The following IL33 variants were observed in gnomAD, a reference collection of about 807,000 sequenced individuals.
The protein encoded by IL33 is interleukin-33.
In IL33, 37 loss-of-function variants were observed where a neutral mutation model predicts 27.3. That is an observed-to-expected ratio of 1.36 (90% CI 1.04 to 1.78). The LOEUF is 1.78. Among genes scored for constraint, IL33 ranks in the 40% most tolerant of loss-of-function variants. The probability of loss-of-function intolerance (pLI) is 0.00; values close to 1 mark genes in which losing one functional copy is unlikely to be tolerated. For synonymous variants in IL33, 132 were observed against 102.9 expected, an observed-to-expected ratio of 1.28 and a Z score of -1.71; for missense variants, 406 against 311.4, an observed-to-expected ratio of 1.30 and a Z score of -2.29.
intron 1 of IL33, among the ~76,000 whole-genome samples, chr9:6,235,438 A>G (rs943469439): frequency 2.6e-5 from 4 of 152,222 alleles, no homozygotes; most frequent in African/African-American, 9.6e-5. Flanking sequence ...ATCATAAGTA[A>G]ATTTATTTAT....
chr9:6,252,597 T>G (rs369229916), intron 4 of IL33, among the ~76,000 whole-genome samples: 1 of 152,276 alleles, frequency 6.6e-6, no homozygotes, highest in African/African-American at 2.4e-5. Context: ...TCTGTTGCTT[T>G]CCATTTTCTT....
At chr9:6,227,325 A>T (rs1818683723) in intron 1 of IL33, among the ~76,000 whole-genome samples, 1 of 152,218 alleles carries the variant, frequency 6.6e-6, no homozygotes. Context: ...TATAGTAGAC[A>T]ACTTTAGAAA....
intron 2 of IL33, among the ~76,000 whole-genome samples, chr9:6,244,431 T>G (rs776967566): frequency 7.2e-5 from 11 of 152,204 alleles, no homozygotes; most frequent in Non-Finnish European, 1.6e-4. Context: ...CTATGTTTTT[T>G]CCTACAGATA....
At chr9:6,236,550 TTAAC>T (rs923271201) in intron 1 of IL33, among the ~76,000 whole-genome samples, 104 of 152,346 alleles carry the variant, frequency 6.8e-4, no homozygotes, top group African/African-American at 2.4e-3. Context: ...AAGTTAATGA[TTAAC>T]TAAGTGTAAC....
chr9:6,216,252 T>TC (rs1818137424), intron 1 of IL33, among the ~76,000 whole-genome samples: 1 of 152,176 alleles, frequency 6.6e-6, no homozygotes, highest in African/African-American at 2.4e-5. Context: ...CATCTCAGCT[T>TC]CCCAAGCAGC....
intron 1 of IL33, among the ~76,000 whole-genome samples, chr9:6,240,177 C>A (rs894037830): frequency 1.3e-5 from 2 of 152,164 alleles, no homozygotes; most frequent in Non-Finnish European, 2.9e-5. Flanking sequence ...GTGACCACGG[C>A]CTGTGACAAA....
At position 6,256,043 on chromosome 9, in the gene IL33, T is replaced by C. The variant is rs1473520972; in HGVS notation, c.688T>C (p.Phe230Leu). ...TAATATGCACTCCAACTGTGTTTCA[T>C]TTGAATGCAAGACTGATCCTGGAGT... ...LHNMHSNCVS[F>L]ECKTDPGVFI... is the part of the protein sequence containing the mutation. Residue 230 changes from phenylalanine to leucine, a missense_variant, in exon 8 of 8, where the codon TTT becomes CTT. Transcript: ENST00000682010. 1 of 1,613,714 alleles carries C rather than the reference T, an allele frequency of 6.2e-7. No homozygotes were observed. The highest frequency in any genetic ancestry group is 2.2e-5 in the East Asian group (1 of 44,868).
chr9:6,241,935 T>A (rs971403641), intron 2 of IL33, 150 bp downstream of exon 2: 2 of 606,190 alleles, frequency 3.3e-6, no homozygotes, highest in Non-Finnish European at 5.6e-6. Flanking sequence ...AAGGGTATAA[T>A]ACAGCAGACT....
chr9:6,253,078 G>C (rs1816503883), intron 5 of IL33, 87 bp downstream of exon 5: 1 of 941,010 alleles, frequency 1.1e-6, no homozygotes, highest in African/African-American at 1.7e-5. Flanking sequence ...TTAAACAATG[G>C]ATTAACTTAG....
intron 4 of IL33, among the ~76,000 whole-genome samples, chr9:6,251,755 C>A (rs1449742190): frequency 6.6e-6 from 1 of 150,948 alleles, no homozygotes; most frequent in Non-Finnish European, 1.5e-5. Context: ...AAAAAAAAAA[C>A]TTGGCCAGGT....
intron 1 of IL33, among the ~76,000 whole-genome samples, chr9:6,232,367 T>C (rs1337858786): frequency 6.6e-6 from 1 of 152,230 alleles, no homozygotes; most frequent in African/African-American, 2.4e-5. Context: ...TTGTTGTTGT[T>C]CAGAGGTGAA....
intron 1 of IL33, among the ~76,000 whole-genome samples, chr9:6,224,393 T>C (rs1374313540): frequency 6.6e-6 from 1 of 152,244 alleles, no homozygotes; most frequent in Non-Finnish European, 1.5e-5. Context: ...TATTGCATCC[T>C]GTTTTGAAGA....
At chr9:6,230,655 C>T (rs1818883479) in intron 1 of IL33, among the ~76,000 whole-genome samples, 1 of 152,120 alleles carries the variant, frequency 6.6e-6, no homozygotes, top group South Asian at 2.1e-4. Context: ...ATTTCCTCTC[C>T]TTATCAGCCA....
intron 1 of IL33, among the ~76,000 whole-genome samples, chr9:6,219,374 A>AG (rs1818315578): frequency 6.6e-6 from 1 of 152,132 alleles, no homozygotes; most frequent in East Asian, 1.9e-4. Flanking sequence ...GGGAGTGGTA[A>AG]GGGGGAGTGA....
chr9:6,253,518 T>C (rs747116501), intron 5 of IL33, 34 bp from the exon 6 acceptor site: 2 of 1,523,422 alleles, frequency 1.3e-6, no homozygotes, highest in Non-Finnish European at 1.8e-6. Context: ...CAAAATTGTG[T>C]CTCACCAGAG....
intron 1 of IL33, among the ~76,000 whole-genome samples, chr9:6,240,480 A>C (rs7022587): frequency 3.0e-4 from 46 of 152,196 alleles, no homozygotes; most frequent in African/African-American, 1.1e-3. Flanking sequence ...TGTAGGCTTC[A>C]GAGAGAATAG....
At chr9:6,215,443 C>G (rs949689162), upstream of IL33, among the ~76,000 whole-genome samples, 1 of 152,164 alleles carries the variant, frequency 6.6e-6, no homozygotes, top group African/African-American at 2.4e-5. Flanking sequence ...TGGAAGAATA[C>G]ACTGATCTCT....
chr9:6,252,748 A>G, intron 4 of IL33, 118 bp from the exon 5 acceptor site: 2 of 1,193,482 alleles, frequency 1.7e-6, no homozygotes, highest in South Asian at 2.6e-5. Context: ...GCTTTAATCT[A>G]GCCAACAGTG....
intron 2 of IL33, among the ~76,000 whole-genome samples, chr9:6,248,911 C>T (rs866074274): frequency 9.9e-5 from 15 of 152,206 alleles, no homozygotes; most frequent in African/African-American, 1.7e-4. Flanking sequence ...ATTACCAAGT[C>T]TATGGTATTC....
Sources: allele counts gnomAD v4.1 joint callset (sites outside exome capture counted in the v4.1 genomes callset), GRCh38; gene constraint gnomAD v4.1.1; transcripts MANE v1.5; gene names NCBI Gene and HGNC (gene_info 2026-07-23, HGNC 2026-07-21).